Variants in TMEM163 observed in about 807,000 individuals in gnomAD.
The protein encoded by TMEM163 is transmembrane protein 163.
In TMEM163, 17 loss-of-function variants were observed where a neutral mutation model predicts 29.3. The ratio of observed to expected loss-of-function variants is 0.58; its 90% confidence interval spans 0.40 to 0.87. The LOEUF (loss-of-function observed/expected upper bound fraction) is 0.87, where lower values mean the gene tolerates loss of function less well. Ranked by LOEUF, TMEM163 falls within the 40% of genes least tolerant of loss-of-function variation. The pLI, the probability that TMEM163 is intolerant of heterozygous loss-of-function variation, is 0.00. For missense variants in TMEM163, 303 were observed against 381.5 expected (o/e 0.79, Z 1.71); for synonymous variants, 157 against 160.6 (o/e 0.98, Z 0.17).
At chr2:134,516,627 TTA>T (rs1262017892) in intron 4 of TMEM163, among the ~76,000 whole-genome samples, 1 of 148,054 alleles carries the variant, frequency 6.8e-6, no homozygotes, top group Non-Finnish European at 1.5e-5. Flanking sequence ...TCATATATTT[TTA>T]TATATATTCA....
At chr2:134,535,095 T>G (rs952435711) in intron 4 of TMEM163, among the ~76,000 whole-genome samples, 4 of 152,242 alleles carry the variant, frequency 2.6e-5, no homozygotes, top group African/African-American at 9.6e-5. Flanking sequence ...CCTCATATTC[T>G]GGAAGAATTA....
chr2:134,518,571 G>C (rs146797904), intron 4 of TMEM163, among the ~76,000 whole-genome samples: 143 of 152,262 alleles, frequency 9.4e-4, no homozygotes, highest in African/African-American at 3.2e-3. Flanking sequence ...TTAACCACTC[G>C]GGGTCGCGTA....
chr2:134,648,225 A>G (rs1157194510), intron 2 of TMEM163, among the ~76,000 whole-genome samples: 6 of 152,166 alleles, frequency 3.9e-5, no homozygotes, highest in South Asian at 2.1e-4. Flanking sequence ...CTCTGAAGCA[A>G]TACCATCAAG....
At chr2:134,554,422 CAAAAAAAAAAAAA>C (rs941286100) in intron 2 of TMEM163, among the ~76,000 whole-genome samples, 27 of 21,148 alleles carry the variant, frequency 1.3e-3, no homozygotes, top group South Asian at 8.1e-3. Context: ...GACCCCATCT[CAAAAAAAAAAAAA>C]AAAAAAAAAA....
At chr2:134,669,272 G>A (rs984975042) in intron 2 of TMEM163, among the ~76,000 whole-genome samples, 8 of 152,208 alleles carry the variant, frequency 5.3e-5, no homozygotes, top group African/African-American at 9.7e-5. Flanking sequence ...CTTTGGGCAC[G>A]AGGTCCCTTC....
intron 6 of TMEM163, among the ~76,000 whole-genome samples, chr2:134,464,971 C>T (rs6718078): frequency 0.17 from 26,110 of 151,978 alleles, 4,649 homozygotes; most frequent in African/African-American, 0.44. Flanking sequence ...AAGGGCCCCA[C>T]AACTGTCACT....
intron 6 of TMEM163, among the ~76,000 whole-genome samples, chr2:134,465,194 A>AAAAAAAAAG (rs1180390433): frequency 7.2e-6 from 1 of 138,568 alleles, no homozygotes; most frequent in African/African-American, 3.1e-5. Context: ...ATCTTTAAAA[A>AAAAAAAAAG]AAAAAAAAAC....
intron 2 of TMEM163, among the ~76,000 whole-genome samples, chr2:134,683,624 A>T (rs1684293809): frequency 6.6e-6 from 1 of 152,182 alleles, no homozygotes; most frequent in Admixed American, 6.5e-5. Context: ...ATAATAAGTC[A>T]TGCTGATTAC....
At chr2:134,605,187 A>AAAAAAAAAAC (rs1682325571) in intron 2 of TMEM163, among the ~76,000 whole-genome samples, 4 of 151,864 alleles carry the variant, frequency 2.6e-5, no homozygotes, top group Admixed American at 6.6e-5. Flanking sequence ...CAGCAAAAAA[A>AAAAAAAAAAC]AAAAAAAAAC....
intron 4 of TMEM163, among the ~76,000 whole-genome samples, chr2:134,536,612 C>T (rs928993965): frequency 6.6e-6 from 1 of 152,064 alleles, no homozygotes; most frequent in Non-Finnish European, 1.5e-5. Flanking sequence ...CCATCTGCCA[C>T]CTATAAAACT....
intron 2 of TMEM163, among the ~76,000 whole-genome samples, chr2:134,672,703 C>G (rs1016139219): frequency 3.3e-5 from 5 of 152,120 alleles, no homozygotes; most frequent in Non-Finnish European, 5.9e-5. Context: ...CAGCTCCCTC[C>G]CAACCCACAA....
rs114544147 is a variant in TMEM163 at position 134,606,850 on chromosome 2, G to A, written c.323-54759C>T. Reference sequence around the variant, plus strand: ...TGGATTTGGTAAACTTTCGTTTGGCGAAAAGCAGTTTCAATAAAACAGTGA... The same window carrying A: ...TGGATTTGGTAAACTTTCGTTTGGCAAAAAGCAGTTTCAATAAAACAGTGA... On this transcript the variant is annotated intron_variant, in intron 2 of 7. Coordinates refer to ENST00000281924, the MANE Select transcript of TMEM163 (RefSeq NM_030923.5). Among the ~76,000 whole-genome samples, 1,015 of 152,358 alleles carry A rather than the reference G, an allele frequency of 6.7e-3. 14 individuals carry two copies. The highest frequency in any genetic ancestry group is 0.023 in the African/African-American group (951 of 41,572).
chr2:134,486,776 T>C (rs967779437), intron 5 of TMEM163, among the ~76,000 whole-genome samples: 3 of 152,182 alleles, frequency 2.0e-5, no homozygotes, highest in Non-Finnish European at 4.4e-5. Flanking sequence ...TTTAGACCAA[T>C]GTTACTTAAA....
chr2:134,672,308 C>A (rs561935639), intron 2 of TMEM163, among the ~76,000 whole-genome samples: 1 of 152,314 alleles, frequency 6.6e-6, no homozygotes, highest in South Asian at 2.1e-4. Context: ...CTACTTACCT[C>A]CATTTGAATG....
At chr2:134,665,451 T>C (rs1372353973) in intron 2 of TMEM163, among the ~76,000 whole-genome samples, 1 of 152,024 alleles carries the variant, frequency 6.6e-6, no homozygotes, top group Non-Finnish European at 1.5e-5. Context: ...TCCTACCAGG[T>C]CCCTCCCATG....
At position 134,550,660 on chromosome 2, in the gene TMEM163, A is replaced by G. The variant is rs1001342146; in HGVS notation, c.368T>C (p.Phe123Ser). 4.3e-6 allele frequency: 7 copies of G among 1,614,194 alleles called. No individual in the cohort carries two copies. Among genetic ancestry groups the G allele is most frequent in the Non-Finnish European group, 5.9e-6 (7 of 1,180,012 alleles). The part of the protein sequence containing the change: ...RYSASAFGFA[F>S]DAILDVLSSA... ...TGACAGGACGTCCAGGATGGCATCA[A>G]ACTAGGAGAAGGAGACATGGCATTA... Residue 123 changes from phenylalanine (F) to serine (S), a missense_variant and splice_region_variant, in exon 4 of 8, where the codon TTT becomes TCT. By Grantham distance (155) the Phe-to-Ser change is radical (BLOSUM62 -2). Coordinates refer to ENST00000281924, the MANE Select transcript of TMEM163 (RefSeq NM_030923.5).
At chr2:134,497,871 T>C (rs1679608050) in intron 5 of TMEM163, among the ~76,000 whole-genome samples, 1 of 152,078 alleles carries the variant, frequency 6.6e-6, no homozygotes, top group South Asian at 2.1e-4. Flanking sequence ...ACAAGCTCCA[T>C]CCAGGGACCC....
chr2:134,541,239 T>C (rs1454995097), intron 4 of TMEM163, among the ~76,000 whole-genome samples: 1 of 152,154 alleles, frequency 6.6e-6, no homozygotes, highest in African/African-American at 2.4e-5. Flanking sequence ...ATGCAAATGC[T>C]CCCAAAGCAT....
At chr2:134,481,894 G>A (rs1294371465) in intron 5 of TMEM163, among the ~76,000 whole-genome samples, 2 of 152,102 alleles carry the variant, frequency 1.3e-5, no homozygotes, top group Non-Finnish European at 2.9e-5. Context: ...CAAGACCTCG[G>A]GGGTCAGGAT....
Sources: gnomAD v4.1 joint callset for allele counts (sites outside exome capture counted in the v4.1 genomes callset) on GRCh38, gnomAD v4.1.1 for gene constraint, MANE v1.5 for transcripts, NCBI Gene and HGNC (gene_info 2026-07-23, HGNC 2026-07-21) for gene names.